The following PTBP2 variants were observed in gnomAD, a reference collection of about 807,000 sequenced individuals.
The protein encoded by PTBP2 is polypyrimidine tract binding protein 2, also known as polypyrimidine tract-binding protein 2.
PTBP2 carries 13 observed loss-of-function variants against 61.4 expected under a neutral mutation model. The observed-to-expected ratio is 0.21, with a 90% CI of 0.14 to 0.34. PTBP2 has a LOEUF of 0.34. Among genes scored for constraint, PTBP2 ranks in the 10% least tolerant of loss-of-function variants. PTBP2 has a pLI of 1.00. For missense variants in PTBP2, 405 were observed against 642.6 expected (o/e 0.63, Z 4.00); for synonymous variants, 215 against 218.5 (o/e 0.98, Z 0.14).
At position 96,804,885 on chromosome 1, in the gene PTBP2, T is replaced by G; in HGVS notation, c.990T>G (p.Pro330=). The G allele has an allele frequency of 1.2e-6, 2 of 1,611,634 alleles. No individual in the cohort carries two copies. The highest frequency in any genetic ancestry group is 1.7e-6 in the Non-Finnish European group (2 of 1,178,612). ...AAAAAGRVGM[P]GVSAGGNTVL... Reference sequence around the variant, plus strand: ...CTGCTGCTGGCCGAGTGGGTATGCCTGGAGTCTCAGCTGGTGGCAATACAG... The same window carrying G: ...CTGCTGCTGGCCGAGTGGGTATGCCGGGAGTCTCAGCTGGTGGCAATACAG... Residue 330 remains proline, a synonymous_variant, in exon 9 of 14, where the codon CCT becomes CCG. Transcript: ENST00000674951.
At chr1:96,777,781 T>G (rs760857223) in intron 6 of PTBP2, 32 bp downstream of exon 6, 1 of 1,545,482 alleles carries the variant, frequency 6.5e-7, no homozygotes, top group South Asian at 1.2e-5. Context: ...ACCTATAAAT[T>G]AGAGAAATAA....
intron 2 of PTBP2, among the ~76,000 whole-genome samples, chr1:96,738,178 A>G (rs1318327750): frequency 2.0e-5 from 3 of 152,188 alleles, no homozygotes; most frequent in African/African-American, 4.8e-5. Flanking sequence ...GCAAACATCT[A>G]CTACACCCAT....
At chr1:96,792,182 A>G (rs1659920605) in intron 8 of PTBP2, among the ~76,000 whole-genome samples, 2 of 152,150 alleles carry the variant, frequency 1.3e-5, no homozygotes, top group African/African-American at 4.8e-5. Flanking sequence ...AAACATTTAA[A>G]ATACTGTAGC....
intron 2 of PTBP2, among the ~76,000 whole-genome samples, chr1:96,737,873 TGTA>T (rs1023488782): frequency 7.2e-5 from 11 of 152,206 alleles, no homozygotes; most frequent in African/African-American, 1.9e-4. Flanking sequence ...TAACTACTGT[TGTA>T]GTAACGTTTC....
chr1:96,770,188 G>A (rs551379723), intron 4 of PTBP2, among the ~76,000 whole-genome samples: 3 of 151,804 alleles, frequency 2.0e-5, no homozygotes, highest in South Asian at 4.2e-4. Flanking sequence ...ATCAGCAGGG[G>A]TACTAGTCGC....
intron 11 of PTBP2, among the ~76,000 whole-genome samples, chr1:96,808,796 AAC>A (rs899269881): frequency 5.4e-5 from 8 of 149,516 alleles, no homozygotes; most frequent in African/African-American, 1.2e-4. Flanking sequence ...TTTCCTTTAA[AAC>A]ACACACACAC....
intron 8 of PTBP2, among the ~76,000 whole-genome samples, chr1:96,802,734 TAC>T (rs1402355344): frequency 3.3e-5 from 5 of 152,172 alleles, no homozygotes; most frequent in African/African-American, 1.2e-4. Context: ...TGGGATCTCA[TAC>T]AGACTATGGA....
intron 5 of PTBP2, 97 bp from the exon 6 acceptor site, chr1:96,777,488 G>T: frequency 9.0e-7 from 1 of 1,111,828 alleles, no homozygotes; most frequent in Non-Finnish European, 1.2e-6. Flanking sequence ...TTTAATCTGT[G>T]TAAGTTCTAG....
chr1:96,730,361 A>T (rs1161526100), intron 2 of PTBP2, among the ~76,000 whole-genome samples: 1 of 152,214 alleles, frequency 6.6e-6, no homozygotes, highest in East Asian at 1.9e-4. Flanking sequence ...CCTTTTAAGT[A>T]CCGCTTTCAC....
At chr1:96,792,130 C>T (rs1388026733) in intron 8 of PTBP2, among the ~76,000 whole-genome samples, 2 of 152,116 alleles carry the variant, frequency 1.3e-5, no homozygotes, top group Non-Finnish European at 2.9e-5. Context: ...AGCCACCGCG[C>T]CTAGCCTGCT....
chr1:96,789,121 T>A (rs1216521984), intron 8 of PTBP2, among the ~76,000 whole-genome samples: 1 of 152,004 alleles, frequency 6.6e-6, no homozygotes, highest in Non-Finnish European at 1.5e-5. Context: ...TGGAAGTAAT[T>A]TTTCATGATC....
intron 1 of PTBP2, among the ~76,000 whole-genome samples, chr1:96,723,159 C>T (rs1336462294): frequency 6.6e-6 from 1 of 151,318 alleles, no homozygotes; most frequent in Non-Finnish European, 1.5e-5. Flanking sequence ...TCAGTATTCC[C>T]CCCAGATCAA....
intron 3 of PTBP2, among the ~76,000 whole-genome samples, chr1:96,760,440 C>CTTTTTTTTTT (rs989047792): frequency 7.2e-5 from 6 of 83,084 alleles, no homozygotes; most frequent in African/African-American, 1.1e-4. Flanking sequence ...AAATAGTTTG[C>CTTTTTTTTTT]TTTTTTTTTT....
At chr1:96,728,187 G>A (rs1270923802) in intron 2 of PTBP2, among the ~76,000 whole-genome samples, 1 of 152,018 alleles carries the variant, frequency 6.6e-6, no homozygotes. Flanking sequence ...GGGTCTCTCT[G>A]TTTTGCCCAG....
At chr1:96,795,742 G>T (rs1482152869) in intron 8 of PTBP2, among the ~76,000 whole-genome samples, 2 of 152,168 alleles carry the variant, frequency 1.3e-5, no homozygotes, top group Non-Finnish European at 2.9e-5. Context: ...CTTTGAGGAA[G>T]TTTGCCATAG....
chr1:96,769,626 G>GT (rs1159203604), intron 3 of PTBP2, 77 bp from the exon 4 acceptor site: 17 of 1,123,724 alleles, frequency 1.5e-5, no homozygotes, highest in South Asian at 5.7e-5. Flanking sequence ...GAAATTTGTA[G>GT]TTTTTTTACA....
Position 96,793,685 on chromosome 1 carries a change from T to C in PTBP2, c.904+8431T>C, listed in dbSNP as rs1660086212. ...CGTGCCTGGCCTCATTTAAAATTTT[T>C]TAACACTGGGTAAAATTTTTATTTT... On this transcript the variant is annotated intron_variant, in intron 8 of 13. Transcript: ENST00000674951. Among the ~76,000 whole-genome samples, 3 of 152,216 alleles carry C rather than the reference T, an allele frequency of 2.0e-5. No homozygotes were observed. The East Asian group carries it at 5.8e-4, about 29-fold the overall frequency.
intron 3 of PTBP2, 124 bp downstream of exon 3, chr1:96,751,624 A>C: frequency 3.0e-6 from 2 of 665,644 alleles, no homozygotes; most frequent in Admixed American, 2.7e-5. Context: ...AACATTTTAG[A>C]GTAAATTTTA....
At chr1:96,738,421 C>T (rs1310798818) in intron 2 of PTBP2, among the ~76,000 whole-genome samples, 2 of 152,032 alleles carry the variant, frequency 1.3e-5, no homozygotes, top group Non-Finnish European at 1.5e-5. Context: ...CTGCAGGTGC[C>T]TGCCACCACA....
Sources: gnomAD v4.1 joint callset for allele counts (sites outside exome capture counted in the v4.1 genomes callset) on GRCh38, gnomAD v4.1.1 for gene constraint, MANE v1.5 for transcripts, NCBI Gene and HGNC (gene_info 2026-07-23, HGNC 2026-07-21) for gene names.